SPAG16: variants seen among roughly 807,000 people sequenced by gnomAD.
SPAG16 encodes sperm associated antigen 16.
A neutral mutation model predicts 80.4 loss-of-function variants in SPAG16; 86 were observed. The observed-to-expected ratio is 1.07, with a 90% CI of 0.90 to 1.28. The LOEUF (loss-of-function observed/expected upper bound fraction) is 1.28. SPAG16 is among the 50% of genes most tolerant of loss of function. SPAG16 has a pLI of 0.00. For synonymous variants in SPAG16, 294 were observed against 265.9 expected, an observed-to-expected ratio of 1.11 and a Z score of -1.03; for missense variants, 870 against 765.3, an observed-to-expected ratio of 1.14 and a Z score of -1.61.
chr2:214,098,314 C>G (rs2052746924), intron 13 of SPAG16, among the ~76,000 whole-genome samples: 1 of 151,924 alleles, frequency 6.6e-6, no homozygotes, highest in African/African-American at 2.4e-5. Context: ...TGAATTGTGT[C>G]CCCTTAAATC....
At chr2:213,943,438 A>G (rs1032031078) in intron 12 of SPAG16, among the ~76,000 whole-genome samples, 16 of 152,288 alleles carry the variant, frequency 1.1e-4, no homozygotes, top group African/African-American at 3.6e-4. Context: ...AGAAATATGG[A>G]CAATAAAGGC....
intron 15 of SPAG16, among the ~76,000 whole-genome samples, chr2:214,323,717 TAATA>T: frequency 6.6e-6 from 1 of 152,328 alleles, no homozygotes; most frequent in East Asian, 1.9e-4. Flanking sequence ...TACACTAAAC[TAATA>T]AACAAAATTC....
intron 13 of SPAG16, among the ~76,000 whole-genome samples, chr2:214,017,022 A>G (rs571274589): frequency 6.6e-5 from 10 of 152,288 alleles, no homozygotes; most frequent in African/African-American, 2.4e-4. Flanking sequence ...CAATTTATTT[A>G]GGATATATGA....
rs1371467877 is a variant in SPAG16, at chr2:214,177,995, ATATATATATATATATATT to A, written c.1720+28730_1720+28747del. The stretch of plus-strand genomic sequence containing the variant: ...TGTATATATATATATATATATATAT[ATATATATATATATATATT>A]CATACTTTATTTGTACATATAAACT... On this transcript the variant is annotated intron_variant, in intron 15 of 15. Coordinates refer to ENST00000331683, the MANE Select transcript of SPAG16 (RefSeq NM_024532.5). Among the ~76,000 whole-genome samples, 629 of 64,506 alleles carry A rather than the reference ATATATATATATATATATT, an allele frequency of 9.8e-3. 14 individuals are homozygous for A. Among genetic ancestry groups the A allele is most frequent in the Non-Finnish European group, 0.024 (490 of 20,202 alleles). 42.3% of individuals were successfully genotyped at this position (64,506 alleles called of 152,430 possible).
intron 15 of SPAG16, among the ~76,000 whole-genome samples, chr2:214,358,516 C>A (rs1361352830): frequency 6.6e-6 from 1 of 151,778 alleles, no homozygotes; most frequent in African/African-American, 2.4e-5. Context: ...GGAAGGGGTT[C>A]TCTGGACATT....
At chr2:213,456,486 A>G (rs1036182218) in intron 9 of SPAG16, among the ~76,000 whole-genome samples, 2 of 152,220 alleles carry the variant, frequency 1.3e-5, no homozygotes, top group African/African-American at 4.8e-5. Flanking sequence ...TTGAAAAGTT[A>G]TCATTCCCTT....
At chr2:213,933,890 T>C (rs2078879272) in intron 12 of SPAG16, among the ~76,000 whole-genome samples, 1 of 152,216 alleles carries the variant, frequency 6.6e-6, no homozygotes, top group South Asian at 2.1e-4. Flanking sequence ...GAGAGAATTG[T>C]ATTGACAAGG....
chr2:214,234,079 C>CA (rs34522209), intron 15 of SPAG16, among the ~76,000 whole-genome samples: 1 of 151,268 alleles, frequency 6.6e-6, no homozygotes, highest in Non-Finnish European at 1.5e-5. Context: ...TTGTTTCCCC[C>CA]CCCATGTGTC....
At chr2:213,772,749 A>G (rs2069327839) in intron 10 of SPAG16, among the ~76,000 whole-genome samples, 1 of 152,182 alleles carries the variant, frequency 6.6e-6, no homozygotes, top group Non-Finnish European at 1.5e-5. Flanking sequence ...GTCTATTTCT[A>G]TAAAAAAGCC....
At chr2:214,068,672 G>A (rs1165246868) in intron 13 of SPAG16, among the ~76,000 whole-genome samples, 1 of 152,102 alleles carries the variant, frequency 6.6e-6, no homozygotes, top group Non-Finnish European at 1.5e-5. Context: ...TCCAAGAACA[G>A]CATTGACTAG....
intron 11 of SPAG16, among the ~76,000 whole-genome samples, chr2:213,883,108 T>G (rs2076413773): frequency 6.6e-6 from 1 of 152,244 alleles, no homozygotes. Context: ...AGATTGTTAA[T>G]TTGAGATCTC....
intron 15 of SPAG16, among the ~76,000 whole-genome samples, chr2:214,261,420 A>T (rs1258433193): frequency 6.6e-6 from 1 of 152,020 alleles, no homozygotes; most frequent in African/African-American, 2.4e-5. Context: ...TTATAACAAA[A>T]CTGTTTATAC....
intron 15 of SPAG16, among the ~76,000 whole-genome samples, chr2:214,271,091 G>T (rs936916161): frequency 5.3e-5 from 8 of 152,148 alleles, no homozygotes; most frequent in South Asian, 2.1e-4. Context: ...AAATTAATTT[G>T]AAGGGTAAAG....
intron 13 of SPAG16, 91 bp from the exon 14 acceptor site, chr2:214,108,105 A>T (rs1428171003): frequency 4.0e-6 from 4 of 1,010,240 alleles, no homozygotes; most frequent in Non-Finnish European, 5.9e-6. Flanking sequence ...GGAGGGGCTA[A>T]AAATTACTTT....
At chr2:213,609,255 C>A (rs528225576) in intron 10 of SPAG16, among the ~76,000 whole-genome samples, 28 of 152,262 alleles carry the variant, frequency 1.8e-4, no homozygotes, top group African/African-American at 6.5e-4. Flanking sequence ...TTCTAAATTA[C>A]TGGAACAGTG....
Position 214,028,223 on chromosome 2 carries a change from T to G in SPAG16, c.1527+14146T>G, listed in dbSNP as rs140099323. Among the ~76,000 whole-genome samples, 131 of 152,130 alleles carry G rather than the reference T, an allele frequency of 8.6e-4. 2 individuals carry two copies. In the East Asian group the frequency reaches 0.022, roughly 26 times the overall value. On this transcript the variant is annotated intron_variant, in intron 13 of 15. Transcript: ENST00000331683. Reference sequence around the variant, plus strand: ...TGATTATAGGAAAATGGTGGTGAGTTTGTGATGAAATGACATAGAATAACA... The same window carrying G: ...TGATTATAGGAAAATGGTGGTGAGTGTGTGATGAAATGACATAGAATAACA...
At chr2:213,508,664 A>C (rs1017912834) in intron 10 of SPAG16, among the ~76,000 whole-genome samples, 5 of 152,166 alleles carry the variant, frequency 3.3e-5, no homozygotes, top group African/African-American at 1.2e-4. Flanking sequence ...AACTGTCGCA[A>C]GGACAAAAAA....
chr2:214,351,191 A>G (rs976425676), intron 15 of SPAG16, among the ~76,000 whole-genome samples: 2 of 152,206 alleles, frequency 1.3e-5, no homozygotes, highest in Admixed American at 6.5e-5. Context: ...ATATTAATGC[A>G]GAAAGCAAAT....
At chr2:213,424,239 ACACT>A (rs1448546320) in intron 9 of SPAG16, among the ~76,000 whole-genome samples, 1 of 152,210 alleles carries the variant, frequency 6.6e-6, no homozygotes, top group African/African-American at 2.4e-5. Context: ...ATTTTCAAAG[ACACT>A]CAGTTCCTTC....
Sources: allele counts gnomAD v4.1 joint callset (sites outside exome capture counted in the v4.1 genomes callset), GRCh38; gene constraint gnomAD v4.1.1; transcripts MANE v1.5; gene names NCBI Gene and HGNC (gene_info 2026-07-23, HGNC 2026-07-21).